Variants in IL16 observed in about 807,000 individuals in gnomAD.
IL16 encodes pro-interleukin-16.
In IL16, 67 loss-of-function variants were observed where a neutral mutation model predicts 110.1. The observed-to-expected ratio is 0.61, with a 90% CI of 0.50 to 0.75. The LOEUF (loss-of-function observed/expected upper bound fraction) is 0.75. IL16 is among the 30% of genes least tolerant of loss of function. The pLI is 0.00. For synonymous variants in IL16, 689 were observed against 662.9 expected, an observed-to-expected ratio of 1.04 and a Z score of -0.61; for missense variants, 1,545 against 1,655.0, an observed-to-expected ratio of 0.93 and a Z score of 1.15.
At chr15:81,305,500 T>G (rs1334423453) in intron 16 of IL16, among the ~76,000 whole-genome samples, 1 of 152,186 alleles carries the variant, frequency 6.6e-6, no homozygotes, top group East Asian at 1.9e-4. Context: ...CCTGTCTCTA[T>G]TTTTTAAAAA....
intron 1 of IL16, among the ~76,000 whole-genome samples, chr15:81,224,596 A>C (rs940293732): frequency 6.6e-6 from 1 of 152,260 alleles, no homozygotes; most frequent in Non-Finnish European, 1.5e-5. Context: ...CATGTTTGCC[A>C]GGAGCCTGTT....
At chr15:81,281,303 C>G (rs539293746) in intron 8 of IL16, among the ~76,000 whole-genome samples, 2 of 152,302 alleles carry the variant, frequency 1.3e-5, no homozygotes, top group Admixed American at 1.3e-4. Context: ...AAAGGGCCTT[C>G]CCCCACACTG....
Position 81,313,482 on chromosome 15 carries a change from C to T in IL16, c.*4684C>T, listed in dbSNP as rs543069354. ...CGAGCGCCAGGCAGGTGAGCAGAGC[C>T]CAGCCCAGTGGAAATGGCCATGATA... On this transcript the variant is annotated 3_prime_UTR_variant, in exon 19 of 19. Coordinates refer to ENST00000683961, the MANE Select transcript of IL16 (RefSeq NM_172217.5). 10 of 1,361,916 alleles carry T rather than the reference C, an allele frequency of 7.3e-6. No individual in the cohort carries two copies. The Admixed American group carries it at 8.4e-5, about 11-fold the overall frequency. The allele number at this position is 1,361,916 out of a possible 1,614,324, so 84.4% of individuals were successfully genotyped here.
intron 2 of IL16, among the ~76,000 whole-genome samples, chr15:81,231,268 TGAGGAGACCA>T (rs1367458686): frequency 4.3e-5 from 6 of 139,454 alleles, no homozygotes; most frequent in Non-Finnish European, 6.1e-5. Flanking sequence ...AGAGGAGAGC[TGAGGAGACCA>T]GAGGAGAGGA....
chr15:81,297,218 G>C, intron 13 of IL16, 140 bp downstream of exon 13: 1 of 821,116 alleles, frequency 1.2e-6, no homozygotes, highest in South Asian at 1.9e-5. Context: ...AACAGTCAAG[G>C]GTTCCAGGTG....
At chr15:81,257,020 G>A (rs760489486) in intron 2 of IL16, among the ~76,000 whole-genome samples, 4 of 152,142 alleles carry the variant, frequency 2.6e-5, no homozygotes, top group Non-Finnish European at 5.9e-5. Context: ...TTCAGAGAAC[G>A]ACTCATTATG....
intron 2 of IL16, among the ~76,000 whole-genome samples, chr15:81,252,885 A>G (rs1261915548): frequency 1.3e-5 from 2 of 152,180 alleles, no homozygotes; most frequent in East Asian, 3.9e-4. Context: ...CAGGTAATGG[A>G]CACAGGTTGT....
At chr15:81,257,736 C>T (rs890269266) in intron 2 of IL16, among the ~76,000 whole-genome samples, 1 of 152,186 alleles carries the variant, frequency 6.6e-6, no homozygotes, top group African/African-American at 2.4e-5. Context: ...ATGAAATTAA[C>T]CAGGCATTGC....
chr15:81,298,303 G>C (rs1051388501), intron 13 of IL16, among the ~76,000 whole-genome samples: 1 of 152,194 alleles, frequency 6.6e-6, no homozygotes, highest in African/African-American at 2.4e-5. Flanking sequence ...GGGACAGGAG[G>C]GATCAGAGTT....
rs560837446 is a variant in IL16 at position 81,259,872 on chromosome 15, A to T, written c.413A>T (p.Asn138Ile). The change falls in exon 3 of 19, where the codon AAC becomes ATC. Residue 138 changes from asparagine (N) to isoleucine (I), a missense_variant. Coordinates refer to ENST00000683961, the MANE Select transcript of IL16 (RefSeq NM_172217.5). ...GCCTGCCACCAAAGGGCACGCAGCA[A>T]CTCAACCAGTAAGTGTCTTCCCAAC... is the stretch of plus-strand genomic sequence containing the variant. Reference protein sequence around the residue: ...PKACHQRARSNSTSVNPYCTR... With the variant: ...PKACHQRARSISTSVNPYCTR... 5.0e-6 allele frequency: 8 copies of T among 1,599,816 alleles called. No individual in the cohort carries two copies. In the East Asian group the frequency reaches 1.6e-4, roughly 31 times the overall value.
chr15:81,189,399 C>A (rs958210345), intron 1 of IL16, among the ~76,000 whole-genome samples: 10 of 152,246 alleles, frequency 6.6e-5, no homozygotes, highest in African/African-American at 2.4e-4. Context: ...GCTGGGATTA[C>A]AAGCATGAGC....
In IL16 at chr15:81,299,706, C is replaced by G; in HGVS notation, c.2380C>G (p.Gln794Glu). ...PVAPKPAWFR[Q>E]SLKGLRNRAS... ...GGCTCCCAAGCCAGCCTGGTTTCGC[C>G]AAAGCTTGAAAGGTTTGAGGAATCG... Residue 794 changes from glutamine (Q) to glutamate (E), a missense_variant, in exon 14 of 19, where the codon CAA (glutamine) becomes GAA (glutamate). By Grantham distance (29) the Gln-to-Glu change is conservative (BLOSUM62 2). Transcript: ENST00000683961. 6.2e-7 allele frequency: 1 copy of G among 1,614,198 alleles called. No individual in the cohort carries two copies.
intron 1 of IL16, among the ~76,000 whole-genome samples, chr15:81,211,832 T>C (rs1341058788): frequency 1.3e-5 from 2 of 152,246 alleles, no homozygotes; most frequent in African/African-American, 4.8e-5. Flanking sequence ...TTTATGTATA[T>C]TGAACCAATC....
At position 81,225,652 on chromosome 15, in the gene IL16, C is replaced by G; in HGVS notation, c.253C>G (p.Gln85Glu). 1 of 1,613,972 alleles carries G rather than the reference C, an allele frequency of 6.2e-7. No individual in the cohort carries two copies. The highest frequency in any genetic ancestry group is 8.5e-7 in the Non-Finnish European group (1 of 1,179,946). Reference protein sequence around the residue: ...PDLALASEAAQLQAAGNDRGK... With the variant: ...PDLALASEAAELQAAGNDRGK... ...TCTAGCACTGGCCTCGGAGGCTGCT[C>G]AACTCCAAGCAGCTGGGAATGATCG... Residue 85 changes from glutamine (Q) to glutamate (E), a missense_variant, in exon 2 of 19, where the codon CAA (glutamine) becomes GAA (glutamate). Physicochemically the swap from Gln to Glu is conservative, Grantham distance 29 (BLOSUM62 2). This residue lies in a region of IL16 where 1,185 missense variants were observed against 1,238.8 expected (regional missense o/e 0.96). Coordinates refer to ENST00000683961, the MANE Select transcript of IL16 (RefSeq NM_172217.5).
intron 1 of IL16, among the ~76,000 whole-genome samples, chr15:81,223,884 G>A (rs953986510): frequency 5.3e-5 from 8 of 152,184 alleles, no homozygotes; most frequent in Non-Finnish European, 7.3e-5. Context: ...ATTTGTCTGT[G>A]ATTGGAGTTT....
At chr15:81,260,853 ACTTG>A (rs1338790140) in intron 3 of IL16, among the ~76,000 whole-genome samples, 2 of 151,148 alleles carry the variant, frequency 1.3e-5, no homozygotes, top group African/African-American at 2.5e-5. Context: ...TTAAAAAGTT[ACTTG>A]CTTTTTTATC....
At chr15:81,182,895 C>G in exon 1 of IL16, 2 of 1,288,806 alleles carry the variant, frequency 1.6e-6, no homozygotes, top group Non-Finnish European at 2.0e-6. Context: ...GAAGGCAGAA[C>G]GGTGAGTGGA....
In IL16 at chr15:81,299,450, C is replaced by T. The variant is rs1420082257; in HGVS notation, c.2124C>T (p.Thr708=). The T allele has an allele frequency of 1.2e-6, 2 of 1,614,080 alleles. No individual in the cohort carries two copies. The highest frequency in any genetic ancestry group is 1.3e-5 in the African/African-American group (1 of 74,938). ...RQARMDYSFD[T]TAEDPWVRIS... ...CTCGGATGGACTATAGCTTTGATACCACAGCCGAAGACCCTTGGGTTAGGA... is the reference window on the plus strand; with the variant it reads ...CTCGGATGGACTATAGCTTTGATACTACAGCCGAAGACCCTTGGGTTAGGA... The change falls in exon 14 of 19, where the codon ACC becomes ACT. Residue 708 remains threonine (T), a synonymous_variant. Coordinates refer to ENST00000683961, the MANE Select transcript of IL16 (RefSeq NM_172217.5).
At chr15:81,307,725 T>C (rs1242362071) in intron 18 of IL16, among the ~76,000 whole-genome samples, 2 of 152,136 alleles carry the variant, frequency 1.3e-5, no homozygotes, top group African/African-American at 4.8e-5. Context: ...CAGGGTGATG[T>C]TGGAAGGAGA....
Sources: allele counts gnomAD v4.1 joint callset (sites outside exome capture counted in the v4.1 genomes callset), GRCh38; gene constraint gnomAD v4.1.1; regional missense constraint gnomAD v4.1.1; transcripts MANE v1.5; gene names NCBI Gene and HGNC (gene_info 2026-07-23, HGNC 2026-07-21).